THEMIS: variants seen among roughly 807,000 people sequenced by gnomAD.
THEMIS encodes the protein protein THEMIS.
Under a neutral mutation model 52.6 loss-of-function variants are expected in THEMIS, and 37 were observed. The observed-to-expected ratio is 0.70, with a 90% CI of 0.54 to 0.93. The LOEUF (loss-of-function observed/expected upper bound fraction) is 0.93, where lower values mean the gene tolerates loss of function less well. Among genes scored for constraint, THEMIS ranks in the 40% least tolerant of loss-of-function variants. THEMIS has a pLI of 0.00. For missense variants in THEMIS, 808 were observed against 763.1 expected (o/e 1.06, Z -0.69); for synonymous variants, 292 against 272.7 (o/e 1.07, Z -0.70).
chr6:127,908,261 T>G (rs1263465349), intron 1 of THEMIS, among the ~76,000 whole-genome samples: 1 of 152,160 alleles, frequency 6.6e-6, no homozygotes, highest in Non-Finnish European at 1.5e-5. Context: ...ACTGAGAATA[T>G]AAGCCCTTAG....
the THEMIS span, among the ~76,000 whole-genome samples, chr6:127,702,529 C>A: frequency 3.3e-5 from 5 of 152,020 alleles, no homozygotes; most frequent in Non-Finnish European, 5.9e-5. Flanking sequence ...CACCTCTTTT[C>A]CACTGTCCTG....
chr6:127,729,592 C>G (rs1286725211), intron 4 of THEMIS, among the ~76,000 whole-genome samples: 1 of 152,082 alleles, frequency 6.6e-6, no homozygotes, highest in Non-Finnish European at 1.5e-5. Flanking sequence ...AGTGCCTCCC[C>G]CTTGGAATAT....
chr6:127,740,614 T>C (rs1012484284), intron 4 of THEMIS, among the ~76,000 whole-genome samples: 1 of 152,118 alleles, frequency 6.6e-6, no homozygotes, highest in Admixed American at 6.5e-5. Context: ...TTGGACGACA[T>C]GAGAACGTAA....
chr6:127,746,388 A>C (rs1775389783), intron 4 of THEMIS, among the ~76,000 whole-genome samples: 1 of 151,688 alleles, frequency 6.6e-6, no homozygotes, highest in Non-Finnish European at 1.5e-5. Flanking sequence ...CCACACAGAC[A>C]CTGCTCTTTA....
intron 1 of THEMIS, among the ~76,000 whole-genome samples, chr6:127,914,644 G>A (rs1296667640): frequency 1.3e-5 from 2 of 152,154 alleles, no homozygotes; most frequent in African/African-American, 4.8e-5. Context: ...AAGGCACAGT[G>A]TAAACATGGT....
intron 5 of THEMIS, among the ~76,000 whole-genome samples, chr6:127,712,027 A>G (rs968048713): frequency 9.9e-5 from 15 of 151,942 alleles, no homozygotes; most frequent in Admixed American, 3.9e-4. Context: ...ATTACTTTGT[A>G]AAATGTAAAG....
At position 127,885,265 on chromosome 6, in the gene THEMIS, G is replaced by A. The variant is rs114030443; in HGVS notation, c.91+15577C>T. ...AACCCCCTTTTGAGCTTTAAAACTT[G>A]CATAACCTTCTAAACAATTTTCTCT... On this transcript the variant is annotated intron_variant, in intron 1 of 5. Coordinates refer to ENST00000368248, the MANE Select transcript of THEMIS (RefSeq NM_001010923.3). Among the ~76,000 whole-genome samples, 1,195 of 152,048 alleles carry A rather than the reference G, an allele frequency of 7.9e-3. 18 individuals carry two copies. Among genetic ancestry groups the A allele is most frequent in the African/African-American group, 0.028 (1,145 of 41,484 alleles).
the THEMIS span, among the ~76,000 whole-genome samples, chr6:127,697,324 T>C: frequency 6.6e-6 from 1 of 152,190 alleles, no homozygotes; most frequent in Non-Finnish European, 1.5e-5. Context: ...GTACAAAATT[T>C]GATTCTCATT....
At position 127,887,173 on chromosome 6, in the gene THEMIS, T is replaced by C. The variant is rs370207141; in HGVS notation, c.91+13669A>G. 1.2e-4 allele frequency among the ~76,000 whole-genome samples: 19 copies of C among 152,208 alleles called. No individual in the cohort carries two copies. In the South Asian group the frequency reaches 3.7e-3, roughly 30 times the overall value. On this transcript the variant is annotated intron_variant, in intron 1 of 5. Coordinates refer to ENST00000368248, the MANE Select transcript of THEMIS (RefSeq NM_001010923.3). ...ATATCCAGAATAAAAAAAGAATTCT[T>C]ATAACTCAGTAAAAGGAAGACAACA...
chr6:127,894,996 T>C (rs1451819611), intron 1 of THEMIS, among the ~76,000 whole-genome samples: 1 of 148,156 alleles, frequency 6.7e-6, no homozygotes, highest in African/African-American at 2.5e-5. Context: ...TATATATTTA[T>C]ATGAAAAAAA....
chr6:127,801,670 G>T (rs1412910535), intron 4 of THEMIS, among the ~76,000 whole-genome samples: 1 of 152,090 alleles, frequency 6.6e-6, no homozygotes, highest in African/African-American at 2.4e-5. Context: ...TTCCACCTTT[G>T]TCTGAGGAGA....
At position 127,869,312 on chromosome 6, in the gene THEMIS, C is replaced by T. The variant is rs142980911; in HGVS notation, c.92-14124G>A. On this transcript the variant is annotated intron_variant, in intron 1 of 5. Transcript: ENST00000368248. ...AACTACCTTAGACATGCTCAGAACGCGTAAAGCACCCCACAGCTGGGTAAA... is the reference window on the plus strand; with the variant it reads ...AACTACCTTAGACATGCTCAGAACGTGTAAAGCACCCCACAGCTGGGTAAA... Among the ~76,000 whole-genome samples the T allele has an allele frequency of 6.1e-4, 93 of 152,264 alleles. 2 individuals carry two copies. Among genetic ancestry groups the T allele is most frequent in the South Asian group, 4.6e-3 (22 of 4,826 alleles).
At chr6:127,756,045 CA>C (rs144685357) in intron 4 of THEMIS, among the ~76,000 whole-genome samples, 1 of 151,260 alleles carries the variant, frequency 6.6e-6, no homozygotes, top group South Asian at 2.1e-4. Context: ...ACACAAAAAA[CA>C]AAAAACAAAA....
chr6:127,716,223 C>G (rs1211903145), intron 5 of THEMIS, among the ~76,000 whole-genome samples: 1 of 151,836 alleles, frequency 6.6e-6, no homozygotes, highest in Non-Finnish European at 1.5e-5. Flanking sequence ...AAAAGGTCAT[C>G]CTTCCTGGCA....
At chr6:127,864,724 G>T (rs1472728470) in intron 1 of THEMIS, among the ~76,000 whole-genome samples, 1 of 152,040 alleles carries the variant, frequency 6.6e-6, no homozygotes, top group Non-Finnish European at 1.5e-5. Flanking sequence ...TCTGTTTGTT[G>T]AAGGCCTCCA....
At chr6:127,903,138 A>G (rs1781186744), upstream of THEMIS, among the ~76,000 whole-genome samples, 1 of 151,908 alleles carries the variant, frequency 6.6e-6, no homozygotes, top group Non-Finnish European at 1.5e-5. Flanking sequence ...TTTTTTCTCT[A>G]GCCGTTAAAT....
intron 1 of THEMIS, among the ~76,000 whole-genome samples, chr6:127,892,544 C>G (rs1474333649): frequency 6.6e-6 from 1 of 152,130 alleles, no homozygotes; most frequent in Non-Finnish European, 1.5e-5. Flanking sequence ...GACCCTTTGA[C>G]AATGCCTGAT....
intron 2 of THEMIS, among the ~76,000 whole-genome samples, chr6:127,844,767 AC>A (rs1779160487): frequency 1.3e-5 from 2 of 151,912 alleles, no homozygotes; most frequent in Admixed American, 6.6e-5. Flanking sequence ...GACATGATTT[AC>A]CAATCTATGG....
intron 4 of THEMIS, among the ~76,000 whole-genome samples, chr6:127,758,657 G>A (rs1775915902): frequency 6.6e-6 from 1 of 151,708 alleles, no homozygotes; most frequent in African/African-American, 2.4e-5. Context: ...TCACAAGAAG[G>A]CAACTATATA....
Sources: allele counts gnomAD v4.1 joint callset (sites outside exome capture counted in the v4.1 genomes callset), GRCh38; gene constraint gnomAD v4.1.1; transcripts MANE v1.5; gene names NCBI Gene and HGNC (gene_info 2026-07-23, HGNC 2026-07-21).